WDR93: variants seen among roughly 807,000 people sequenced by gnomAD.
WDR93 encodes the protein WD repeat-containing protein 93.
In WDR93, 73 loss-of-function variants were observed where a neutral mutation model predicts 82.9. That is an observed-to-expected ratio of 0.88 (90% CI 0.73 to 1.07). WDR93 has a LOEUF of 1.07. WDR93 is among the 50% of genes least tolerant of loss of function. The pLI is 0.00. For missense variants in WDR93, 738 were observed against 826.0 expected (o/e 0.89, Z 1.31); for synonymous variants, 283 against 300.1 (o/e 0.94, Z 0.59).
intron 16 of WDR93, 59 bp from the exon 17 acceptor site, chr15:89,743,233 G>A: frequency 6.3e-7 from 1 of 1,577,774 alleles, no homozygotes. Flanking sequence ...CTGCCCTGGG[G>A]GCTCGGGAGC....
intron 7 of WDR93, among the ~76,000 whole-genome samples, chr15:89,717,383 A>C (rs1345924026): frequency 6.6e-6 from 1 of 151,930 alleles, no homozygotes; most frequent in African/African-American, 2.4e-5. Context: ...TTTACTTGAA[A>C]TTTACCCTAA....
intron 13 of WDR93, among the ~76,000 whole-genome samples, chr15:89,734,067 T>C (rs1567128307): frequency 6.6e-6 from 1 of 151,996 alleles, no homozygotes; most frequent in Non-Finnish European, 1.5e-5. Context: ...TGAGATCAAC[T>C]CCCCTGAAAC....
chr15:89,702,693 C>T (rs1209850868), intron 2 of WDR93, among the ~76,000 whole-genome samples: 1 of 152,082 alleles, frequency 6.6e-6, no homozygotes, highest in Non-Finnish European at 1.5e-5. Context: ...GATATGCCAC[C>T]ATGCCCGGAT....
chr15:89,701,868 A>G lies in WDR93; in HGVS notation c.122A>G (p.His41Arg), dbSNP rs548870108. The change falls in exon 2 of 17, where the codon CAT (histidine) becomes CGT (arginine). Residue 41 changes from histidine to arginine, a missense_variant. Transcript: ENST00000268130. Reference protein sequence around the residue: ...KDWPKDDEQDHVLVDPDEELD... With the variant: ...KDWPKDDEQDRVLVDPDEELD... ...TGGCCTAAAGACGATGAACAGGATC[A>G]TGTCCTCGTGGATCCAGATGAGGAG... 7.4e-6 allele frequency: 12 copies of G among 1,614,214 alleles called. No individual in the cohort carries two copies. The East Asian group carries it at 1.8e-4, about 24-fold the overall frequency.
intron 16 of WDR93, among the ~76,000 whole-genome samples, chr15:89,739,718 G>T (rs1967504088): frequency 1.3e-5 from 2 of 152,176 alleles, no homozygotes; most frequent in Admixed American, 1.3e-4. Flanking sequence ...GCTCTGGCAG[G>T]TTCCTTTCCT....
Position 89,738,626 on chromosome 15 carries a change from CAA to C in WDR93, c.1961+408_1961+409del, listed in dbSNP as rs34617270. On this transcript the variant is annotated intron_variant, in intron 16 of 16. Coordinates refer to ENST00000268130, the MANE Select transcript of WDR93 (RefSeq NM_020212.2). ...TAGGTGACAGAGCAAGACTCTGTCC[CAA>C]AAAAAAAAAAAAAAAAAGAAATTTC... is the stretch of plus-strand genomic sequence containing the variant. 1.4e-3 allele frequency among the ~76,000 whole-genome samples: 112 copies of C among 81,426 alleles called. 2 individuals carry two copies. Among genetic ancestry groups the C allele is most frequent in the Admixed American group, 3.1e-3 (21 of 6,806 alleles). The allele number at this position is 81,426 out of a possible 152,430, so 53.4% of individuals were successfully genotyped here.
chr15:89,701,451 C>T (rs1567097721), intron 1 of WDR93, among the ~76,000 whole-genome samples: 1 of 152,160 alleles, frequency 6.6e-6, no homozygotes, highest in African/African-American at 2.4e-5. Flanking sequence ...CTCCTATCAA[C>T]AAGGGTATAA....
chr15:89,701,781 T>C lies in WDR93; in HGVS notation c.35T>C (p.Ile12Thr), dbSNP rs1965475762. The C allele has an allele frequency of 6.2e-7, 1 of 1,613,116 alleles. No homozygotes were observed. Among genetic ancestry groups the C allele is most frequent in the Non-Finnish European group, 8.5e-7 (1 of 1,179,296 alleles). The change falls in exon 2 of 17, where the codon ATA becomes ACA. Residue 12 changes from isoleucine to threonine, a missense_variant. Coordinates refer to ENST00000268130, the MANE Select transcript of WDR93 (RefSeq NM_020212.2). The stretch of plus-strand genomic sequence containing the variant: ...CCAAGAGGAAGTCAGACCCAGAAAA[T>C]AAAGCACCCCATTGGTACACGAAAG... ...SFPRGSQTQK[I>T]KHPIGTRKGP... is the part of the protein sequence containing the mutation.
chr15:89,722,086 A>G lies in WDR93; in HGVS notation c.827A>G (p.Lys276Arg), dbSNP rs771643466. The G allele has an allele frequency of 3.7e-5, 59 of 1,609,756 alleles. No homozygotes were observed. Among genetic ancestry groups the G allele is most frequent in the Non-Finnish European group, 4.8e-5 (57 of 1,178,608 alleles). Reference sequence around the variant, plus strand: ...AATGTTAGTTTTAAAGGAGACATTAAATTGAGTCTTCCAGTTTACATAATG... The same window carrying G: ...AATGTTAGTTTTAAAGGAGACATTAGATTGAGTCTTCCAGTTTACATAATG... ...DANVSFKGDI[K>R]LSLPVYIMKI... Residue 276 changes from lysine to arginine, a missense_variant, in exon 8 of 17, where the codon AAA (lysine) becomes AGA (arginine). Transcript: ENST00000268130.
intron 7 of WDR93, chr15:89,719,739 T>G (rs983341676): frequency 6.6e-6 from 1 of 152,098 alleles, no homozygotes; most frequent in Admixed American, 6.5e-5. Flanking sequence ...TTTTATTATT[T>G]CCTTTGTTCT....
intron 6 of WDR93, among the ~76,000 whole-genome samples, chr15:89,716,486 T>C (rs1000327881): frequency 6.6e-6 from 1 of 152,246 alleles, no homozygotes; most frequent in Non-Finnish European, 1.5e-5. Flanking sequence ...TTCTTTTTCA[T>C]ACACTGAGAA....
chr15:89,734,986 CTCCT>C (rs143651353), intron 13 of WDR93, among the ~76,000 whole-genome samples: 47 of 149,892 alleles, frequency 3.1e-4, no homozygotes, highest in East Asian at 5.9e-4. Context: ...CCCTCCGTCC[CTCCT>C]TCCTTCCTTC....
chr15:89,691,409 T>C (rs1964873784), intron 1 of WDR93, among the ~76,000 whole-genome samples: 1 of 152,150 alleles, frequency 6.6e-6, no homozygotes, highest in Non-Finnish European at 1.5e-5. Context: ...TTTTATAAAA[T>C]GTACCCTCTA....
intron 5 of WDR93, 41 bp from the exon 6 acceptor site, chr15:89,714,939 C>G (rs371619134): frequency 6.4e-7 from 1 of 1,556,498 alleles, no homozygotes; most frequent in Non-Finnish European, 8.8e-7. Flanking sequence ...ACTTGTGGCT[C>G]TCTTACAGTT....
At chr15:89,737,273 A>G (rs1596127776) in intron 14 of WDR93, among the ~76,000 whole-genome samples, 3 of 152,320 alleles carry the variant, frequency 2.0e-5, no homozygotes, top group Admixed American at 6.5e-5. Flanking sequence ...TCTTGGCTAC[A>G]TGGAGGGTGA....
At chr15:89,730,303 T>G (rs1966848925) in intron 11 of WDR93, among the ~76,000 whole-genome samples, 2 of 133,608 alleles carry the variant, frequency 1.5e-5, no homozygotes, top group Admixed American at 8.4e-5. Context: ...CCAGCCTGGG[T>G]GACAGAGCAA....
intron 12 of WDR93, 35 bp from the exon 13 acceptor site, chr15:89,732,971 G>A (rs183652315): frequency 5.1e-5 from 82 of 1,607,802 alleles, no homozygotes; most frequent in African/African-American, 2.5e-4. Flanking sequence ...CCCCTACCCC[G>A]TTTTCTGACC....
At chr15:89,741,759 CT>C (rs1039667995) in intron 16 of WDR93, among the ~76,000 whole-genome samples, 42 of 146,804 alleles carry the variant, frequency 2.9e-4, no homozygotes, top group Admixed American at 4.8e-4. Context: ...ATCTCCAATA[CT>C]TTTTTTTTTT....
At chr15:89,709,257 G>C (rs1234099226) in intron 4 of WDR93, among the ~76,000 whole-genome samples, 1 of 152,202 alleles carries the variant, frequency 6.6e-6, no homozygotes, top group Non-Finnish European at 1.5e-5. Context: ...CACTGTGGCA[G>C]AGACAAAAGC....
Sources: gnomAD v4.1 joint callset for allele counts (sites outside exome capture counted in the v4.1 genomes callset) on GRCh38, gnomAD v4.1.1 for gene constraint, MANE v1.5 for transcripts, NCBI Gene and HGNC (gene_info 2026-07-23, HGNC 2026-07-21) for gene names.